The following PRDM5 variants were observed in gnomAD, a reference collection of about 807,000 sequenced individuals.
The protein encoded by PRDM5 is PR domain zinc finger protein 5.
In PRDM5, 56 loss-of-function variants were observed where a neutral mutation model predicts 81.2. The ratio of observed to expected loss-of-function variants is 0.69; its 90% confidence interval spans 0.56 to 0.86. The LOEUF (loss-of-function observed/expected upper bound fraction) is 0.86. PRDM5 is among the 40% of genes least tolerant of loss of function. The pLI is 0.00. For missense variants in PRDM5, 697 were observed against 770.1 expected (o/e 0.91, Z 1.12); for synonymous variants, 267 against 256.4 (o/e 1.04, Z -0.39).
chr4:120,754,257 T>C (rs1482602894), intron 14 of PRDM5, among the ~76,000 whole-genome samples: 1 of 152,226 alleles, frequency 6.6e-6, no homozygotes, highest in Non-Finnish European at 1.5e-5. Context: ...CCTTTAAATA[T>C]TGTAGTATTA....
intron 2 of PRDM5, among the ~76,000 whole-genome samples, chr4:120,861,796 C>CA (rs1159321172): frequency 8.0e-4 from 92 of 115,248 alleles, no homozygotes; most frequent in Middle Eastern, 4.6e-3. Flanking sequence ...GACTCCGTCT[C>CA]AAAAAAAAAA....
rs1383166476 is a variant in PRDM5 at position 120,803,550 on chromosome 4, T to A, written c.946-3805A>T. 2.0e-5 allele frequency among the ~76,000 whole-genome samples: 3 copies of A among 152,250 alleles called. No homozygotes were observed. In the East Asian group the frequency reaches 5.8e-4, roughly 29 times the overall value. On this transcript the variant is annotated intron_variant, in intron 8 of 15. Coordinates refer to ENST00000264808, the MANE Select transcript of PRDM5 (RefSeq NM_018699.4). ...AGCCAGAAGAGAGTGAGGGCCAATA[T>A]CCAACATTTTAAAGAAAAGAATTTT... is the stretch of plus-strand genomic sequence containing the variant.
At chr4:120,822,202 C>G (rs1175673121) in intron 3 of PRDM5, among the ~76,000 whole-genome samples, 1 of 152,204 alleles carries the variant, frequency 6.6e-6, no homozygotes, top group Non-Finnish European at 1.5e-5. Context: ...AGAACTGAAG[C>G]TGTAAAGCGG....
Position 120,822,658 on chromosome 4 carries a change from A to G in PRDM5, c.301-1313T>C, listed in dbSNP as rs117555816. 7.9e-5 allele frequency among the ~76,000 whole-genome samples: 12 copies of G among 152,284 alleles called. No homozygotes were observed. In the East Asian group the frequency reaches 1.9e-3, roughly 24 times the overall value. ...GGATGGGAGAGGGGCTATATTCAAC[A>G]TTGTCTTAGTTTGGGAGGGCTTTTT... On this transcript the variant is annotated intron_variant, in intron 3 of 15. Coordinates refer to ENST00000264808, the MANE Select transcript of PRDM5 (RefSeq NM_018699.4).
In PRDM5 at chr4:120,827,634, C is replaced by T. The variant is rs145042486; in HGVS notation, c.301-6289G>A. On this transcript the variant is annotated intron_variant, in intron 3 of 15. Transcript: ENST00000264808. ...AACTACTATCATCAGTATCTCACCT[C>T]ACACTAGTAACCTAATTCTTAGATT... is the stretch of plus-strand genomic sequence containing the variant. 1.1e-3 allele frequency among the ~76,000 whole-genome samples: 170 copies of T among 152,210 alleles called. 1 individual carries two copies. Among genetic ancestry groups the T allele is most frequent in the African/African-American group, 4.0e-3 (168 of 41,552 alleles).
chr4:120,703,211 G>A (rs1372589530), intron 15 of PRDM5, among the ~76,000 whole-genome samples: 7 of 151,834 alleles, frequency 4.6e-5, no homozygotes, highest in Admixed American at 6.6e-5. Context: ...CTGGAGACAC[G>A]GTGTCTCTCT....
intron 9 of PRDM5, 90 bp from the exon 10 acceptor site, chr4:120,798,514 G>T (rs921424063): frequency 8.2e-7 from 1 of 1,217,098 alleles, no homozygotes; most frequent in Non-Finnish European, 1.2e-6. Context: ...TACTTCTTAC[G>T]GTAAGAAAAC....
chr4:120,819,317 A>G (rs1038862241), intron 4 of PRDM5, among the ~76,000 whole-genome samples: 1 of 152,190 alleles, frequency 6.6e-6, no homozygotes, highest in Non-Finnish European at 1.5e-5. Flanking sequence ...AAGTACCACA[A>G]TTTATTTAAC....
At chr4:120,859,840 CA>C (rs1760362024) in intron 2 of PRDM5, among the ~76,000 whole-genome samples, 1 of 152,280 alleles carries the variant, frequency 6.6e-6, no homozygotes. Context: ...TTCTCTTCCA[CA>C]AAACAAATAA....
rs781215728 is a variant in PRDM5 at position 120,816,907 on chromosome 4, G to A, written c.668C>T (p.Ala223Val). The A allele has an allele frequency of 8.7e-6, 14 of 1,612,618 alleles. No individual in the cohort carries two copies. Among genetic ancestry groups the A allele is most frequent in the East Asian group, 2.2e-5 (1 of 44,866 alleles). Residue 223 changes from alanine to valine, a missense_variant, in exon 6 of 16, where the codon GCG becomes GTG. Physicochemically the swap from Ala to Val is moderately conservative, Grantham distance 64 (BLOSUM62 0). Transcript: ENST00000264808. ...ALQRHVLQCT[A>V]KSSLKESSRS... is the part of the protein sequence containing the mutation. ...CGAAGACTCCTTTAGACTGCTTTTC[G>A]CTGTGCACTGAAGAACACTAAAGGG...
chr4:120,828,074 G>A (rs1160050370), intron 3 of PRDM5, among the ~76,000 whole-genome samples: 1 of 152,048 alleles, frequency 6.6e-6, no homozygotes, highest in Non-Finnish European at 1.5e-5. Context: ...TTGGAGATAG[G>A]AATGGAAATG....
At chr4:120,877,818 T>C (rs908996988) in intron 2 of PRDM5, among the ~76,000 whole-genome samples, 14 of 152,144 alleles carry the variant, frequency 9.2e-5, no homozygotes, top group South Asian at 4.1e-4. Flanking sequence ...AATAAATAAA[T>C]AAACAAACAA....
At chr4:120,742,184 T>C (rs1023643192) in intron 14 of PRDM5, among the ~76,000 whole-genome samples, 1 of 152,108 alleles carries the variant, frequency 6.6e-6, no homozygotes, top group Non-Finnish European at 1.5e-5. Context: ...CACCTCACAC[T>C]GCAGGGTACT....
At chr4:120,886,163 G>C (rs1763418012) in intron 2 of PRDM5, among the ~76,000 whole-genome samples, 1 of 136,870 alleles carries the variant, frequency 7.3e-6, no homozygotes, top group African/African-American at 2.7e-5. Context: ...TTCATAGGTG[G>C]TATTTTTCCA....
chr4:120,783,705 A>G (rs2149245874), intron 11 of PRDM5, among the ~76,000 whole-genome samples: 1 of 152,254 alleles, frequency 6.6e-6, no homozygotes, highest in Middle Eastern at 3.4e-3. Context: ...TAAACACATA[A>G]TTCTTTTTAA....
intron 3 of PRDM5, among the ~76,000 whole-genome samples, chr4:120,848,912 T>G (rs899039127): frequency 6.6e-6 from 1 of 152,178 alleles, no homozygotes; most frequent in African/African-American, 2.4e-5. Context: ...TGTAAGTTAT[T>G]TAACTGTTAT....
chr4:120,706,857 C>T (rs928417254), intron 15 of PRDM5, among the ~76,000 whole-genome samples: 1 of 150,010 alleles, frequency 6.7e-6, no homozygotes, highest in African/African-American at 2.4e-5. Context: ...AAACACACAG[C>T]AATTACCAAA....
At chr4:120,818,777 T>G (rs1320686749) in intron 4 of PRDM5, among the ~76,000 whole-genome samples, 1 of 152,206 alleles carries the variant, frequency 6.6e-6, no homozygotes, top group South Asian at 2.1e-4. Flanking sequence ...AATTCCTTAT[T>G]TAATTCATCC....
At chr4:120,807,834 G>A (rs1032923510) in intron 8 of PRDM5, among the ~76,000 whole-genome samples, 4 of 152,208 alleles carry the variant, frequency 2.6e-5, no homozygotes, top group African/African-American at 4.8e-5. Flanking sequence ...TGGTGTGTCC[G>A]GAGTTTGTTC....
Sources: gnomAD v4.1 joint callset for allele counts (sites outside exome capture counted in the v4.1 genomes callset) on GRCh38, gnomAD v4.1.1 for gene constraint, MANE v1.5 for transcripts, NCBI Gene and HGNC (gene_info 2026-07-23, HGNC 2026-07-21) for gene names.